Variants in SLC13A5 observed in about 807,000 individuals in gnomAD.
The protein encoded by SLC13A5 is solute carrier family 13 member 5.
A neutral mutation model predicts 56.5 loss-of-function variants in SLC13A5; 25 were observed. The ratio of observed to expected loss-of-function variants is 0.44; its 90% CI spans 0.32 to 0.62. SLC13A5 has a LOEUF of 0.62. Among genes scored for constraint, SLC13A5 ranks in the 20% least tolerant of loss-of-function variants. The pLI, the probability that SLC13A5 is intolerant of heterozygous loss-of-function variation, is 0.04. For missense variants in SLC13A5, 649 were observed against 737.8 expected, an observed-to-expected ratio of 0.88 and a Z score of 1.39; for synonymous variants, 307 against 301.5, an observed-to-expected ratio of 1.02 and a Z score of -0.19.
Position 6,687,340 on chromosome 17 carries a change from G to A in SLC13A5, c.1575+189C>T, listed in dbSNP as rs563060463. 2.6e-6 allele frequency: 2 copies of A among 756,830 alleles called. No individual in the cohort carries two copies. Among genetic ancestry groups the A allele is most frequent in the South Asian group, 3.8e-5 (2 of 52,932 alleles). 46.9% of individuals were successfully genotyped at this position (756,830 alleles called of 1,614,324 possible). A position where few individuals can be genotyped will look rare whatever the true frequency, so the allele number is the denominator to read the frequency against. On this transcript the variant is annotated intron_variant, in intron 11 of 11. Coordinates refer to ENST00000433363, the MANE Select transcript of SLC13A5 (RefSeq NM_177550.5). This position sits in a 1 kb window ranked among gnomAD's most constrained non-coding sequence, Gnocchi z 5.0. ...CCTCAGAGAAAGAACAGTGTGTGAG[G>A]CTTGAGATCATCTCAGAAAAAGAAG...
intron 3 of SLC13A5, among the ~76,000 whole-genome samples, chr17:6,705,763 T>A (rs572158917): frequency 6.6e-6 from 1 of 152,302 alleles, no homozygotes; most frequent in East Asian, 1.9e-4. Flanking sequence ...GACCAGCAGC[T>A]GACTCCTGAT....
At chr17:6,708,182 C>T (rs937525078) in intron 1 of SLC13A5, among the ~76,000 whole-genome samples, 1 of 152,218 alleles carries the variant, frequency 6.6e-6, no homozygotes, top group Non-Finnish European at 1.5e-5. Context: ...ATTGGCCAGG[C>T]TGATCTCGAA....
chr17:6,692,907 C>A lies in SLC13A5; in HGVS notation c.1275+137G>T. 1 of 701,328 alleles carries A rather than the reference C, an allele frequency of 1.4e-6. No homozygotes were observed. The highest frequency in any genetic ancestry group is 2.1e-5 in the Admixed American group (1 of 46,622). 43.4% of individuals were successfully genotyped at this position (701,328 alleles called of 1,614,324 possible). A position where few individuals can be genotyped will look rare whatever the true frequency, so the allele number is the denominator to read the frequency against. The stretch of plus-strand genomic sequence containing the variant: ...GAGTTCCTAGATGACAAGACAGAGT[C>A]CATGTCCTCAAGGAATGTGCGGTTA... On this transcript the variant is annotated intron_variant, in intron 9 of 11. Transcript: ENST00000433363. This position sits in a 1 kb window ranked among gnomAD's most constrained non-coding sequence, Gnocchi z 5.5.
intron 5 of SLC13A5, among the ~76,000 whole-genome samples, chr17:6,702,348 G>T (rs1021768291): frequency 2.6e-5 from 4 of 152,118 alleles, no homozygotes; most frequent in Non-Finnish European, 4.4e-5. Flanking sequence ...TCCCTCTTGG[G>T]GTCCTCATGG....
chr17:6,709,485 G>A (rs1386457215), intron 1 of SLC13A5, among the ~76,000 whole-genome samples: 1 of 152,044 alleles, frequency 6.6e-6, no homozygotes, highest in East Asian at 1.9e-4. Flanking sequence ...GGCCAGGATG[G>A]TCTTGATCTC....
intron 3 of SLC13A5, 111 bp downstream of exon 3, chr17:6,706,531 G>C: frequency 6.9e-7 from 1 of 1,452,872 alleles, no homozygotes; most frequent in Non-Finnish European, 9.2e-7. Flanking sequence ...GTCCAGGTAA[G>C]CCCATGGCCA....
chr17:6,687,796 C>A lies in SLC13A5; in HGVS notation c.1438-130G>T. On this transcript the variant is annotated intron_variant, in intron 10 of 11. Coordinates refer to ENST00000433363, the MANE Select transcript of SLC13A5 (RefSeq NM_177550.5). This position sits in a 1 kb window ranked among gnomAD's most constrained non-coding sequence, Gnocchi z 5.0. ...TGTGCCTCAGTCTTGGTTCCTCTCC[C>A]TTTTGCCACGTCTCTGGCAGATAAT... 8.6e-7 allele frequency: 1 copy of A among 1,161,708 alleles called. No homozygotes were observed. Among genetic ancestry groups the A allele is most frequent in the East Asian group, 3.0e-5 (1 of 32,954 alleles). 72.0% of individuals were successfully genotyped at this position (1,161,708 alleles called of 1,614,324 possible). A position where few individuals can be genotyped will look rare whatever the true frequency, so the allele number is the denominator to read the frequency against.
At chr17:6,702,412 C>T (rs1319119154) in intron 5 of SLC13A5, among the ~76,000 whole-genome samples, 1 of 152,184 alleles carries the variant, frequency 6.6e-6, no homozygotes, top group Non-Finnish European at 1.5e-5. Flanking sequence ...CCATGGTTCA[C>T]CTGATACCTC....
intron 1 of SLC13A5, among the ~76,000 whole-genome samples, chr17:6,712,490 A>C (rs575289948): frequency 2.4e-4 from 37 of 152,350 alleles, no homozygotes; most frequent in African/African-American, 8.9e-4. Context: ...CCTGGGAGGA[A>C]GCTTCCCTGC....
chr17:6,693,001 A>T, intron 9 of SLC13A5, 43 bp downstream of exon 9: 1 of 1,480,740 alleles, frequency 6.8e-7, no homozygotes, highest in Non-Finnish European at 9.4e-7. Context: ...CACCCTCTTG[A>T]CGAAGAAGAG....
intron 1 of SLC13A5, among the ~76,000 whole-genome samples, chr17:6,712,191 T>G (rs555425278): frequency 5.9e-5 from 9 of 152,178 alleles, no homozygotes; most frequent in African/African-American, 2.2e-4. Context: ...GACACCCCAG[T>G]GCACTCCCTT....
In SLC13A5 at chr17:6,686,104, G is replaced by T; in HGVS notation, c.*103C>A. ...TTTTGGTGGTGTGTGGACATCGTTG[G>T]GTCATTTTGGGGTGTGAACCCCAAA... On this transcript the variant is annotated 3_prime_UTR_variant, in exon 12 of 12. Coordinates refer to ENST00000433363, the MANE Select transcript of SLC13A5 (RefSeq NM_177550.5). 1 of 1,527,032 alleles carries T rather than the reference G, an allele frequency of 6.5e-7. No homozygotes were observed. Among genetic ancestry groups the T allele is most frequent in the African/African-American group, 1.4e-5 (1 of 72,872 alleles). 94.6% of individuals were successfully genotyped at this position (1,527,032 alleles called of 1,614,324 possible).
Position 6,706,687 on chromosome 17 carries a change from C to A in SLC13A5, c.323G>T (p.Arg108Met), listed in dbSNP as rs1182439401. Residue 108 changes from arginine to methionine, a missense_variant, in exon 3 of 12, where the codon AGG (arginine) becomes ATG (methionine). Physicochemically the swap from Arg to Met is moderately conservative, Grantham distance 91. Transcript: ENST00000433363. ...VAVERWNLHKRIALRTLLWVG... is the reference protein window; with the variant it reads ...VAVERWNLHKMIALRTLLWVG... ...CCAGAGGAGCGTGCGCAGGGCGATCCTCTTGTGCAGGTTCCAGCGCTCCAC... is the reference window on the plus strand; with the variant it reads ...CCAGAGGAGCGTGCGCAGGGCGATCATCTTGTGCAGGTTCCAGCGCTCCAC... The A allele has an allele frequency of 6.2e-7, 1 of 1,613,980 alleles. No homozygotes were observed. The highest frequency in any genetic ancestry group is 2.2e-5 in the East Asian group (1 of 44,866).
In SLC13A5 at chr17:6,701,659, A is replaced by C. The variant is rs940230316; in HGVS notation, c.717-533T>G. Among the ~76,000 whole-genome samples, 3 of 152,214 alleles carry C rather than the reference A, an allele frequency of 2.0e-5. No homozygotes were observed. The highest frequency in any genetic ancestry group is 6.5e-5 in the Admixed American group (1 of 15,286). On this transcript the variant is annotated intron_variant, in intron 5 of 11. Coordinates refer to ENST00000433363, the MANE Select transcript of SLC13A5 (RefSeq NM_177550.5). The surrounding 1 kb of genome is among the most constrained non-coding windows in gnomAD (Gnocchi z 4.1). Reference sequence around the variant, plus strand: ...CAGGAGGCAGAGGTTGCAGTGAGCCAACATCGCGCCACTGCACTCCAGCCT... The same window carrying C: ...CAGGAGGCAGAGGTTGCAGTGAGCCCACATCGCGCCACTGCACTCCAGCCT...
intron 1 of SLC13A5, among the ~76,000 whole-genome samples, chr17:6,710,961 T>A (rs897685518): frequency 6.6e-6 from 1 of 152,010 alleles, no homozygotes; most frequent in African/African-American, 2.4e-5. Context: ...TTTCATTAAA[T>A]TTTTTTTCAA....
Position 6,707,095 on chromosome 17 carries a change from G to A in SLC13A5, c.164C>T (p.Pro55Leu). The change falls in exon 2 of 12, where the codon CCT becomes CTT. Residue 55 changes from proline (P) to leucine (L), a missense_variant. Coordinates refer to ENST00000433363, the MANE Select transcript of SLC13A5 (RefSeq NM_177550.5). ...MAIYWCTEVI[P>L]LAVTSLMPVL... Reference sequence around the variant, plus strand: ...AGGCATGAGAGAGGTGACAGCCAGAGGGATGACTTCTGTGCACCAGTAAAT... The same window carrying A: ...AGGCATGAGAGAGGTGACAGCCAGAAGGATGACTTCTGTGCACCAGTAAAT... 1 of 1,614,100 alleles carries A rather than the reference G, an allele frequency of 6.2e-7. No homozygotes were observed. Among genetic ancestry groups the A allele is most frequent in the East Asian group, 2.2e-5 (1 of 44,880 alleles).
At chr17:6,686,584 TCA>T (rs1340711804) in intron 11 of SLC13A5, 1 of 460,614 alleles carries the variant, frequency 2.2e-6, no homozygotes, top group Non-Finnish European at 4.0e-6. Context: ...GAAAATGACC[TCA>T]GAGAAGTGAC....
chr17:6,700,870 G>A, intron 6 of SLC13A5, 134 bp downstream of exon 6: 1 of 1,311,234 alleles, frequency 7.6e-7, no homozygotes. Flanking sequence ...GGGCAGACTA[G>A]CAGGAGACAG....
Position 6,706,676 on chromosome 17 carries a change from G to T in SLC13A5, c.334C>A (p.Arg112Ser), listed in dbSNP as rs372771266. The change falls in exon 3 of 12, where the codon CGC becomes AGC. Residue 112 changes from arginine (R) to serine (S), a missense_variant. Transcript: ENST00000433363. The part of the protein sequence containing the change: ...RWNLHKRIAL[R>S]TLLWVGAKPA... ...TTGGCCCCCACCCAGAGGAGCGTGC[G>T]CAGGGCGATCCTCTTGTGCAGGTTC... 2 of 1,613,728 alleles carry T rather than the reference G, an allele frequency of 1.2e-6. No individual in the cohort carries two copies. Among genetic ancestry groups the T allele is most frequent in the East Asian group, 2.2e-5 (1 of 44,868 alleles).
Sources: gnomAD v4.1 joint callset for allele counts (sites outside exome capture counted in the v4.1 genomes callset) on GRCh38, gnomAD v4.1.1 for gene constraint, Gnocchi (gnomAD v3.1) non-coding constraint, MANE v1.5 for transcripts, NCBI Gene and HGNC (gene_info 2026-07-23, HGNC 2026-07-21) for gene names.